ZNF385D: variants seen among roughly 807,000 people sequenced by gnomAD.
ZNF385D encodes zinc finger protein 385D, also known as zinc finger protein 659.
A neutral mutation model predicts 35.8 loss-of-function variants in ZNF385D; 15 were observed. The observed-to-expected ratio is 0.42, with a 90% confidence interval of 0.28 to 0.64. ZNF385D has a LOEUF of 0.64. Ranked by LOEUF, ZNF385D falls within the 30% of genes least tolerant of loss-of-function variation. The pLI is 0.23. For missense variants in ZNF385D, 474 were observed against 494.6 expected (o/e 0.96, Z 0.39); for synonymous variants, 212 against 186.8 (o/e 1.13, Z -1.10).
At chr3:21,570,376 T>C (rs1453451762) in intron 2 of ZNF385D, among the ~76,000 whole-genome samples, 6 of 152,180 alleles carry the variant, frequency 3.9e-5, no homozygotes, top group Non-Finnish European at 8.8e-5. Context: ...CAGCCGCAGC[T>C]CAAGGTTCCC....
intron 1 of ZNF385D, among the ~76,000 whole-genome samples, chr3:21,693,736 G>A (rs2067360668): frequency 1.3e-5 from 2 of 151,920 alleles, no homozygotes; most frequent in South Asian, 4.2e-4. Context: ...TTTCATAGAT[G>A]TATGGAAATC....
At chr3:21,699,649 C>T (rs2067600168) in intron 1 of ZNF385D, among the ~76,000 whole-genome samples, 1 of 151,864 alleles carries the variant, frequency 6.6e-6, no homozygotes, top group Admixed American at 6.6e-5. Flanking sequence ...GAATATAAAA[C>T]ATTTCATGAA....
intron 4 of ZNF385D, among the ~76,000 whole-genome samples, chr3:21,462,253 T>G (rs1703224740): frequency 6.6e-6 from 1 of 152,174 alleles, no homozygotes; most frequent in Admixed American, 6.5e-5. Flanking sequence ...TCCCTAGTGT[T>G]TAGAATTTCT....
chr3:22,181,451 C>A (rs1559433715), intron 2 of ZNF385D, among the ~76,000 whole-genome samples: 1 of 151,968 alleles, frequency 6.6e-6, no homozygotes, highest in African/African-American at 2.4e-5. Flanking sequence ...AATCCCAGCA[C>A]TTTGGGAGGC....
At chr3:22,213,395 T>G (rs1342001056) in intron 2 of ZNF385D, among the ~76,000 whole-genome samples, 4 of 152,066 alleles carry the variant, frequency 2.6e-5, no homozygotes, top group Non-Finnish European at 5.9e-5. Flanking sequence ...GGGTTATAGT[T>G]TGTGGATCTA....
intron 3 of ZNF385D, among the ~76,000 whole-genome samples, chr3:22,141,898 T>G (rs1038516033): frequency 5.3e-5 from 8 of 152,260 alleles, no homozygotes; most frequent in African/African-American, 1.9e-4. Context: ...CAGTACTGTT[T>G]GCCTTGTGGC....
In ZNF385D at chr3:22,297,720, A is replaced by T. The variant is rs549358398; in HGVS notation, c.106+74730T>A. 2.0e-5 allele frequency among the ~76,000 whole-genome samples: 3 copies of T among 152,240 alleles called. No homozygotes were observed. In the East Asian group the frequency reaches 5.8e-4, roughly 29 times the overall value. ...GCAAATACACGTGGCGAGGATTCAT[A>T]ACTGGGAATTTTCTTATGTAATATA... On this transcript the variant is annotated intron_variant, in intron 2 of 5. Transcript: ENST00000494108.
intron 2 of ZNF385D, among the ~76,000 whole-genome samples, chr3:21,572,144 A>G (rs145017279): frequency 2.7e-4 from 41 of 152,298 alleles, no homozygotes; most frequent in African/African-American, 9.6e-4. Flanking sequence ...GCTCATTAAT[A>G]TAAACCCAGA....
chr3:21,576,908 T>G (rs2063512555), intron 2 of ZNF385D, among the ~76,000 whole-genome samples: 1 of 152,192 alleles, frequency 6.6e-6, no homozygotes, highest in African/African-American at 2.4e-5. Flanking sequence ...ATTTATGGGG[T>G]AACATTGTGA....
intron 3 of ZNF385D, among the ~76,000 whole-genome samples, chr3:21,756,292 A>ATTTAAGATT (rs971513420): frequency 8.5e-5 from 13 of 152,320 alleles, no homozygotes; most frequent in African/African-American, 2.6e-4. Context: ...TAGATAAGCA[A>ATTTAAGATT]TTTAAGATTT....
intron 2 of ZNF385D, among the ~76,000 whole-genome samples, chr3:22,294,682 C>A (rs761056575): frequency 6.6e-6 from 1 of 151,962 alleles, no homozygotes; most frequent in Non-Finnish European, 1.5e-5. Flanking sequence ...GAGTGTGCTA[C>A]TAAATGTCTC....
rs553395642 is a variant in ZNF385D, at chr3:21,658,719, G to A, written c.165+6167C>T. Reference sequence around the variant, plus strand: ...TATGGTATTTATCTCAGATTCCAAAGCAAACCTTAACCTTTACCATATAGC... The same window carrying A: ...TATGGTATTTATCTCAGATTCCAAAACAAACCTTAACCTTTACCATATAGC... On this transcript the variant is annotated intron_variant, in intron 2 of 7. Coordinates refer to ENST00000281523, the MANE Select transcript of ZNF385D (RefSeq NM_024697.3). 4.6e-5 allele frequency among the ~76,000 whole-genome samples: 7 copies of A among 152,026 alleles called. No individual in the cohort carries two copies. The East Asian group carries it at 1.2e-3, about 25-fold the overall frequency.
At chr3:22,178,986 A>G (rs1307305531) in intron 2 of ZNF385D, among the ~76,000 whole-genome samples, 2 of 152,046 alleles carry the variant, frequency 1.3e-5, no homozygotes, top group East Asian at 3.9e-4. Flanking sequence ...TGGTTACAGT[A>G]GCCTTGTAGT....
intron 3 of ZNF385D, among the ~76,000 whole-genome samples, chr3:22,121,220 T>A (rs972948899): frequency 6.6e-6 from 1 of 152,144 alleles, no homozygotes; most frequent in Admixed American, 6.6e-5. Flanking sequence ...CTTAGCGATC[T>A]GTAAATAATT....
intron 3 of ZNF385D, among the ~76,000 whole-genome samples, chr3:21,768,881 T>C (rs944598236): frequency 2.7e-5 from 4 of 150,868 alleles, no homozygotes; most frequent in African/African-American, 9.7e-5. Context: ...TTCTTCTTTT[T>C]GGAGTCAGAC....
chr3:21,950,079 G>C (rs1227014156), intron 3 of ZNF385D, among the ~76,000 whole-genome samples: 2 of 148,758 alleles, frequency 1.3e-5, no homozygotes, highest in East Asian at 1.9e-4. Context: ...CCCAGTAATG[G>C]GATTGTTGAG....
At chr3:21,879,116 C>G (rs1481780667) in intron 3 of ZNF385D, among the ~76,000 whole-genome samples, 1 of 151,926 alleles carries the variant, frequency 6.6e-6, no homozygotes, top group Non-Finnish European at 1.5e-5. Context: ...CTTTGCTTGT[C>G]TTGAATGACA....
At chr3:22,317,699 A>G (rs1406956650) in intron 2 of ZNF385D, among the ~76,000 whole-genome samples, 2 of 152,172 alleles carry the variant, frequency 1.3e-5, no homozygotes, top group African/African-American at 4.8e-5. Context: ...TAATTACACT[A>G]CAAGTCATCA....
intron 2 of ZNF385D, among the ~76,000 whole-genome samples, chr3:22,224,437 T>G (rs141730433): frequency 1.3e-5 from 2 of 152,204 alleles, no homozygotes; most frequent in African/African-American, 4.8e-5. Context: ...TCTATCTCTC[T>G]GTATTATAGT....
Sources: gnomAD v4.1 joint callset for allele counts (sites outside exome capture counted in the v4.1 genomes callset) on GRCh38, gnomAD v4.1.1 for gene constraint, MANE v1.5 for transcripts, NCBI Gene and HGNC (gene_info 2026-07-23, HGNC 2026-07-21) for gene names.